Variants in RGPD3 observed in about 807,000 individuals in gnomAD.
RGPD3 encodes the protein ranBP2-like and GRIP domain-containing protein 3.
RGPD3 carries 62 observed loss-of-function variants against 154.5 expected under a neutral mutation model. The ratio of observed to expected loss-of-function variants is 0.40; its 90% CI spans 0.33 to 0.50. The LOEUF (loss-of-function observed/expected upper bound fraction) is 0.50. RGPD3 is among the 20% of genes least tolerant of loss of function. The pLI is 0.59. For missense variants in RGPD3, 919 were observed against 1,716.8 expected (o/e 0.54, Z 8.21); for synonymous variants, 308 against 607.0 (o/e 0.51, Z 7.24).
At chr2:106,452,603 A>AT (rs1678160890) in intron 5 of RGPD3, 93 bp downstream of exon 5, 8 of 591,082 alleles carry the variant, frequency 1.4e-5, no homozygotes, top group Non-Finnish European at 2.1e-5. Context: ...AATAAAAGAA[A>AT]TTTAAGTCCT....
intron 21 of RGPD3, among the ~76,000 whole-genome samples, chr2:106,413,502 G>A (rs573380812): frequency 9.2e-5 from 14 of 152,268 alleles, no homozygotes; most frequent in African/African-American, 2.2e-4. Context: ...CATGAAAACC[G>A]GAACTCCAAC....
upstream of RGPD3, among the ~76,000 whole-genome samples, chr2:106,469,523 C>G (rs1187553584): frequency 6.6e-6 from 1 of 152,180 alleles, no homozygotes; most frequent in Non-Finnish European, 1.5e-5. Flanking sequence ...TCAAATACAA[C>G]TGATAGCACT....
chr2:106,410,134 C>A (rs1468656550), intron 22 of RGPD3, among the ~76,000 whole-genome samples: 2 of 151,830 alleles, frequency 1.3e-5, no homozygotes, highest in Non-Finnish European at 2.9e-5. Flanking sequence ...CCTCAGCCTC[C>A]CAAAGTGCTG....
At chr2:106,461,569 T>C (rs1160122835) in intron 1 of RGPD3, among the ~76,000 whole-genome samples, 8 of 151,686 alleles carry the variant, frequency 5.3e-5, no homozygotes, top group Non-Finnish European at 1.5e-5. Context: ...TTCAATATTT[T>C]TGGACCACGG....
intron 22 of RGPD3, among the ~76,000 whole-genome samples, chr2:106,410,576 T>C (rs1454256540): frequency 6.6e-6 from 1 of 152,168 alleles, no homozygotes; most frequent in Non-Finnish European, 1.5e-5. Flanking sequence ...TGAGATAATA[T>C]CATTGTTGTA....
intron 9 of RGPD3, among the ~76,000 whole-genome samples, chr2:106,438,474 C>A (rs867169646): frequency 2.0e-5 from 3 of 148,470 alleles, no homozygotes; most frequent in African/African-American, 7.4e-5. Flanking sequence ...GGTGACACAG[C>A]GAGACCCTGT....
At chr2:106,454,831 T>A (rs1035950048) in intron 4 of RGPD3, among the ~76,000 whole-genome samples, 1 of 152,216 alleles carries the variant, frequency 6.6e-6, no homozygotes, top group South Asian at 2.1e-4. Context: ...TTAGACCTCA[T>A]GTTTTAGACT....
chr2:106,465,401 T>C (rs933683186), intron 1 of RGPD3, among the ~76,000 whole-genome samples: 4 of 152,142 alleles, frequency 2.6e-5, no homozygotes, highest in South Asian at 2.1e-4. Flanking sequence ...AGAGAGGTGG[T>C]CATAATAACC....
intron 22 of RGPD3, among the ~76,000 whole-genome samples, chr2:106,410,717 G>C (rs987493043): frequency 4.6e-5 from 7 of 151,880 alleles, no homozygotes; most frequent in African/African-American, 1.7e-4. Flanking sequence ...TTTACTCTTA[G>C]GTGACTAGAA....
chr2:106,465,905 G>T (rs866595650), intron 1 of RGPD3, among the ~76,000 whole-genome samples: 5 of 151,808 alleles, frequency 3.3e-5, no homozygotes, highest in East Asian at 2.0e-4. Flanking sequence ...CATTGCAAAT[G>T]TCCGCGCTGA....
At chr2:106,468,170 G>T (rs769571432) in intron 1 of RGPD3, 47 bp downstream of exon 1, 4 of 1,560,114 alleles carry the variant, frequency 2.6e-6, no homozygotes, top group African/African-American at 1.4e-5. Flanking sequence ...GGTCGAGGCC[G>T]CCGCCCGGCC....
At chr2:106,408,878 G>A (rs564962582) in intron 22 of RGPD3, among the ~76,000 whole-genome samples, 2 of 151,204 alleles carry the variant, frequency 1.3e-5, no homozygotes, top group Non-Finnish European at 2.9e-5. Context: ...TAGACATAGG[G>A]TCTCGCCATG....
chr2:106,424,904 A>G lies in RGPD3; in HGVS notation c.3063T>C (p.Phe1021=). The change falls in exon 20 of 23, where the codon TTT becomes TTC. Residue 1021 remains phenylalanine, a synonymous_variant. Coordinates refer to ENST00000409886, the MANE Select transcript of RGPD3 (RefSeq NM_001144013.2). ...MANKANTSGD[F]EKDDDAYKTE... ...TCTTATAGGCATCATCATCTTTCTC[A>G]AAGTCACCGGAAGTGTTTGCTTTAT... is the stretch of plus-strand genomic sequence containing the variant. The G allele has an allele frequency of 6.2e-7, 1 of 1,611,746 alleles. No homozygotes were observed.
chr2:106,441,863 C>CAA (rs1166971652), intron 7 of RGPD3, among the ~76,000 whole-genome samples: 616 of 13,602 alleles, frequency 0.045, 137 homozygotes, highest in Middle Eastern at 0.33. Context: ...GACTCCATCG[C>CAA]AAAAAAAAAA....
chr2:106,424,062 A>G lies in RGPD3; in HGVS notation c.3905T>C (p.Leu1302Pro), dbSNP rs779491212. 19 of 1,611,580 alleles carry G rather than the reference A, an allele frequency of 1.2e-5. No individual in the cohort carries two copies. Among genetic ancestry groups the G allele is most frequent in the East Asian group, 1.1e-4 (5 of 44,764 alleles). Residue 1302 changes from leucine (L) to proline (P), a missense_variant, in exon 20 of 23, where the codon CTA (leucine) becomes CCA (proline). Coordinates refer to ENST00000409886, the MANE Select transcript of RGPD3 (RefSeq NM_001144013.2). ...ATTCAACTTGGCAGGAGACTTAGAT[A>G]GACTCAAAGCAGATTTAAAACTGAA... ...SNFSFKSALS[L>P]SKSPAKLNQS...
At chr2:106,466,890 G>C (rs1289232427) in intron 1 of RGPD3, among the ~76,000 whole-genome samples, 1 of 57,778 alleles carries the variant, frequency 1.7e-5, no homozygotes, top group Non-Finnish European at 3.4e-5. Flanking sequence ...CCGCCGGGCC[G>C]GGTCGAGGCC....
In RGPD3 at chr2:106,412,174, T is replaced by C. The variant is rs796625201; in HGVS notation, c.5266+910A>G. Among the ~76,000 whole-genome samples the C allele has an allele frequency of 2.1e-4, 30 of 145,234 alleles. No homozygotes were observed. The South Asian group carries it at 6.9e-3, about 34-fold the overall frequency. On this transcript the variant is annotated intron_variant, in intron 22 of 22. Transcript: ENST00000409886. The stretch of plus-strand genomic sequence containing the variant: ...TAAAACAAAAACGAAACCATAATTC[T>C]TAAGATGCAGCTTGAATTCAGTTAA...
At chr2:106,455,699 T>C (rs2104510625) in intron 4 of RGPD3, among the ~76,000 whole-genome samples, 1 of 148,058 alleles carries the variant, frequency 6.8e-6, no homozygotes, top group Admixed American at 6.8e-5. Flanking sequence ...GGAGAACAGA[T>C]TAATGTTGCC....
chr2:106,470,411 C>T (rs888071588), upstream of RGPD3, among the ~76,000 whole-genome samples: 4 of 152,218 alleles, frequency 2.6e-5, no homozygotes, highest in Non-Finnish European at 5.9e-5. Flanking sequence ...ACTGACATGT[C>T]TCTCAGAGAT....
Sources: gnomAD v4.1 joint callset for allele counts (sites outside exome capture counted in the v4.1 genomes callset) on GRCh38, gnomAD v4.1.1 for gene constraint, MANE v1.5 for transcripts, NCBI Gene and HGNC (gene_info 2026-07-23, HGNC 2026-07-21) for gene names.